The following PLCE1 variants were observed in gnomAD, a reference collection of about 807,000 sequenced individuals.
PLCE1 encodes the protein 1-phosphatidylinositol 4,5-bisphosphate phosphodiesterase epsilon-1.
PLCE1 carries 119 observed loss-of-function variants against 242.8 expected under a neutral mutation model. The ratio of observed to expected loss-of-function variants is 0.49; its 90% CI spans 0.42 to 0.57. The LOEUF is 0.57. PLCE1 is among the 20% of genes least tolerant of loss of function. The pLI is 0.00. For synonymous variants in PLCE1, 945 were observed against 1,017.4 expected, an observed-to-expected ratio of 0.93 and a Z score of 1.35; for missense variants, 2,441 against 2,788.8, an observed-to-expected ratio of 0.88 and a Z score of 2.81.
At chr10:94,141,610 A>G (rs1205092446) in intron 3 of PLCE1, among the ~76,000 whole-genome samples, 204 of 1,304 alleles carry the variant, frequency 0.16, 7 homozygotes, top group African/African-American at 0.33. Context: ...GGCAAAGGGA[A>G]GGAGAAAGGA....
chr10:94,115,711 G>A (rs1316718590), intron 2 of PLCE1, among the ~76,000 whole-genome samples: 2 of 152,146 alleles, frequency 1.3e-5, no homozygotes, highest in Non-Finnish European at 1.5e-5. Flanking sequence ...CATTCTACAG[G>A]TTGCCTGTTC....
intron 2 of PLCE1, among the ~76,000 whole-genome samples, chr10:94,119,305 A>C (rs919180712): frequency 1.8e-4 from 28 of 152,292 alleles, no homozygotes; most frequent in Non-Finnish European, 3.4e-4. Context: ...TACTTAAAAA[A>C]ATACCTCTGG....
intron 3 of PLCE1, among the ~76,000 whole-genome samples, chr10:94,162,919 T>C (rs2047665619): frequency 6.6e-6 from 1 of 152,222 alleles, no homozygotes; most frequent in South Asian, 2.1e-4. Context: ...ATGTACCCAG[T>C]AGTCATTCAG....
At position 94,097,513 on chromosome 10, in the gene PLCE1, C is replaced by T. The variant is rs561510121; in HGVS notation, c.1207-34661C>T. Among the ~76,000 whole-genome samples, 144 of 152,150 alleles carry T rather than the reference C, an allele frequency of 9.5e-4. 2 individuals are homozygous for T. The highest frequency in any genetic ancestry group is 1.7e-3 in the Non-Finnish European group (119 of 68,028). ...TAGAGTAGACAGACAAGCCTCCTTC[C>T]CTTTGAGCTTCCAGTCTAGCTGTGA... On this transcript the variant is annotated intron_variant, in intron 2 of 32. Coordinates refer to ENST00000371380, the MANE Select transcript of PLCE1 (RefSeq NM_016341.4).
chr10:94,036,047 C>T (rs566448344), intron 2 of PLCE1, among the ~76,000 whole-genome samples: 22 of 152,318 alleles, frequency 1.4e-4, no homozygotes, highest in African/African-American at 3.1e-4. Context: ...TGGAGTCAGT[C>T]GACCTGAATT....
chr10:94,285,714 A>T (rs1285810444), intron 22 of PLCE1, among the ~76,000 whole-genome samples: 2 of 152,052 alleles, frequency 1.3e-5, no homozygotes, highest in Admixed American at 1.3e-4. Context: ...TGGCCAGGAG[A>T]TGCAGTGCTC....
chr10:94,192,084 G>A (rs1487285499), intron 4 of PLCE1, among the ~76,000 whole-genome samples: 1 of 152,208 alleles, frequency 6.6e-6, no homozygotes, highest in Non-Finnish European at 1.5e-5. Context: ...TATGATAGAT[G>A]TGAACGATGA....
intron 2 of PLCE1, among the ~76,000 whole-genome samples, chr10:94,051,286 CAAAAAA>C (rs869233995): frequency 2.9e-3 from 85 of 29,366 alleles, no homozygotes; most frequent in African/African-American, 7.4e-3. Flanking sequence ...GACTCCAACT[CAAAAAA>C]AAAAAAAAAA....
chr10:94,047,262 G>T (rs944984033), intron 2 of PLCE1, among the ~76,000 whole-genome samples: 8 of 152,108 alleles, frequency 5.3e-5, no homozygotes, highest in African/African-American at 1.9e-4. Flanking sequence ...GAGTGGCAGG[G>T]TAATTTGGGT....
At chr10:93,999,641 C>T (rs988882113) in intron 1 of PLCE1, among the ~76,000 whole-genome samples, 13 of 152,196 alleles carry the variant, frequency 8.5e-5, no homozygotes, top group Non-Finnish European at 1.9e-4. Flanking sequence ...CTGGACAGCC[C>T]GAAGCCGTGG....
chr10:93,994,927 A>G (rs2060792436), intron 1 of PLCE1, among the ~76,000 whole-genome samples: 1 of 152,214 alleles, frequency 6.6e-6, no homozygotes, highest in South Asian at 2.1e-4. Flanking sequence ...AATACCTGTT[A>G]AGTAGGATTC....
chr10:94,222,164 A>G (rs978477024), intron 4 of PLCE1, among the ~76,000 whole-genome samples: 1 of 152,188 alleles, frequency 6.6e-6, no homozygotes, highest in African/African-American at 2.4e-5. Context: ...TGAAAGAGTC[A>G]GGCACACAAA....
intron 4 of PLCE1, among the ~76,000 whole-genome samples, chr10:94,186,573 T>A (rs556864338): frequency 6.6e-6 from 1 of 152,350 alleles, no homozygotes; most frequent in African/African-American, 2.4e-5. Context: ...AAATTGTTGG[T>A]AAAAATGTCA....
At chr10:94,237,474 G>C (rs1051743045) in intron 7 of PLCE1, among the ~76,000 whole-genome samples, 1 of 152,050 alleles carries the variant, frequency 6.6e-6, no homozygotes, top group Admixed American at 6.5e-5. Context: ...ACAGTCTCTT[G>C]TCTTTTTCCT....
chr10:94,141,706 G>A (rs1198183993), intron 3 of PLCE1, among the ~76,000 whole-genome samples: 2 of 147,484 alleles, frequency 1.4e-5, no homozygotes, highest in South Asian at 2.3e-4. Context: ...GAGAAGGAAG[G>A]GAGGGAGGGA....
chr10:94,075,405 G>A (rs962468847), intron 2 of PLCE1, among the ~76,000 whole-genome samples: 9 of 152,192 alleles, frequency 5.9e-5, no homozygotes, highest in African/African-American at 1.9e-4. Context: ...ACATGTTAAT[G>A]TCCATGTTGG....
intron 2 of PLCE1, among the ~76,000 whole-genome samples, chr10:94,057,283 C>T (rs2043933975): frequency 6.6e-6 from 1 of 152,040 alleles, no homozygotes; most frequent in African/African-American, 2.4e-5. Flanking sequence ...GTTTTTTCAT[C>T]TACCATAATA....
chr10:94,280,475 C>A (rs1230793737), intron 20 of PLCE1: 1 of 156,646 alleles, frequency 6.4e-6, no homozygotes, highest in Non-Finnish European at 1.4e-5. Context: ...AAAAGTCACA[C>A]GAATGATGTT....
At chr10:94,190,712 T>C (rs1335282085) in intron 4 of PLCE1, among the ~76,000 whole-genome samples, 2 of 152,242 alleles carry the variant, frequency 1.3e-5, no homozygotes, top group East Asian at 3.8e-4. Context: ...TTGTGACTAT[T>C]ATCATCATCA....
Sources: allele counts gnomAD v4.1 joint callset (sites outside exome capture counted in the v4.1 genomes callset), GRCh38; gene constraint gnomAD v4.1.1; transcripts MANE v1.5; gene names NCBI Gene and HGNC (gene_info 2026-07-23, HGNC 2026-07-21).